The following CSNK1G1 variants were observed in gnomAD, a reference collection of about 807,000 sequenced individuals.
The protein encoded by CSNK1G1 is casein kinase I isoform gamma-1.
A neutral mutation model predicts 59.6 loss-of-function variants in CSNK1G1; 22 were observed. The observed-to-expected ratio is 0.37, with a 90% CI of 0.26 to 0.53. CSNK1G1 has a LOEUF of 0.53. Ranked by LOEUF, CSNK1G1 falls within the 20% of genes least tolerant of loss-of-function variation. CSNK1G1 has a pLI of 0.89. For synonymous variants in CSNK1G1, 179 were observed against 177.1 expected (o/e 1.01, Z -0.08); for missense variants, 384 against 519.5 (o/e 0.74, Z 2.54).
intron 1 of CSNK1G1, among the ~76,000 whole-genome samples, chr15:64,350,639 G>A (rs570862986): frequency 1.3e-5 from 2 of 152,256 alleles, no homozygotes; most frequent in East Asian, 1.9e-4. Flanking sequence ...AAAAATGCAA[G>A]ATCTTTGGTT....
chr15:64,353,445 C>G (rs1898431353), intron 1 of CSNK1G1, among the ~76,000 whole-genome samples: 1 of 151,480 alleles, frequency 6.6e-6, no homozygotes, highest in South Asian at 2.1e-4. Flanking sequence ...AGGAGATAGA[C>G]ACCATCCTGG....
At position 64,216,931 on chromosome 15, in the gene CSNK1G1, T is replaced by C. The variant is rs2082318802; in HGVS notation, c.293-218A>G. ...TAAGTCATTGCACAATACGTTCAAA[T>C]GAGTAGTTATTTAATACCACAGTGC... is the stretch of plus-strand genomic sequence containing the variant. On this transcript the variant is annotated intron_variant, in intron 4 of 11. Transcript: ENST00000303052. The surrounding 1 kb of genome is among the most constrained non-coding windows in gnomAD (Gnocchi z 4.6). 6.6e-6 allele frequency among the ~76,000 whole-genome samples: 1 copy of C among 152,200 alleles called. No individual in the cohort carries two copies. Among genetic ancestry groups the C allele is most frequent in the Admixed American group, 6.5e-5 (1 of 15,270 alleles).
In CSNK1G1 at chr15:64,188,429, A is replaced by G; in HGVS notation, c.1108-7975T>C. 2.0e-6 allele frequency: 3 copies of G among 1,536,146 alleles called. No homozygotes were observed. The highest frequency in any genetic ancestry group is 2.6e-6 in the Non-Finnish European group (3 of 1,146,918). On this transcript the variant is annotated intron_variant, in intron 10 of 11. Transcript: ENST00000303052. The surrounding 1 kb of genome is among the most constrained non-coding windows in gnomAD (Gnocchi z 4.2). ...CCAAGTGAGACGTTAGGTATGAGGT[A>G]TTGGTCTGCCGGCTGGGCTGAATTT...
intron 4 of CSNK1G1, among the ~76,000 whole-genome samples, chr15:64,236,615 G>A (rs1447577499): frequency 2.0e-5 from 3 of 152,094 alleles, no homozygotes; most frequent in East Asian, 1.9e-4. Context: ...CAGTCAGAAC[G>A]GCTACTATTA....
intron 1 of CSNK1G1, among the ~76,000 whole-genome samples, chr15:64,329,859 C>T (rs1324697343): frequency 1.7e-3 from 187 of 111,988 alleles, no homozygotes; most frequent in Non-Finnish European, 2.6e-3. Flanking sequence ...ACCGATCCCA[C>T]AGAAATACAA....
At chr15:64,239,004 A>C (rs565561485) in intron 4 of CSNK1G1, among the ~76,000 whole-genome samples, 1 of 152,304 alleles carries the variant, frequency 6.6e-6, no homozygotes, top group East Asian at 1.9e-4. Flanking sequence ...TCTATACCCT[A>C]GGCCACTAAG....
chr15:64,332,369 T>C (rs533792382), intron 1 of CSNK1G1, among the ~76,000 whole-genome samples: 202 of 141,112 alleles, frequency 1.4e-3, no homozygotes, highest in African/African-American at 5.0e-3. Flanking sequence ...TTCATGTCCT[T>C]TGTAGGGACA....
intron 1 of CSNK1G1, among the ~76,000 whole-genome samples, chr15:64,338,548 A>T (rs1897507577): frequency 6.6e-6 from 1 of 151,708 alleles, no homozygotes. Context: ...TAAAAATACA[A>T]AATTAGCTGG....
chr15:64,304,037 G>T (rs1331388370), intron 1 of CSNK1G1, among the ~76,000 whole-genome samples: 1 of 151,924 alleles, frequency 6.6e-6, no homozygotes, highest in Non-Finnish European at 1.5e-5. Context: ...GACACTAAAG[G>T]TGCTGTGTCA....
intron 4 of CSNK1G1, among the ~76,000 whole-genome samples, chr15:64,238,870 G>A (rs974505343): frequency 3.9e-5 from 6 of 151,900 alleles, no homozygotes; most frequent in East Asian, 3.9e-4. Context: ...CTAGTCTCAC[G>A]GCTGCTTGTA....
intron 2 of CSNK1G1, among the ~76,000 whole-genome samples, chr15:64,290,178 AT>A: frequency 6.6e-6 from 1 of 152,310 alleles, no homozygotes; most frequent in African/African-American, 2.4e-5. Context: ...TAAAACCACC[AT>A]TTGATCCTGC....
At chr15:64,187,795 C>A (rs1466813364) in intron 10 of CSNK1G1, among the ~76,000 whole-genome samples, 1 of 152,078 alleles carries the variant, frequency 6.6e-6, no homozygotes, top group Non-Finnish European at 1.5e-5. Context: ...TTAAGAGATA[C>A]CAGATGTTCT....
chr15:64,222,112 T>A (rs2140277112), intron 4 of CSNK1G1, among the ~76,000 whole-genome samples: 1 of 152,012 alleles, frequency 6.6e-6, no homozygotes, highest in South Asian at 2.1e-4. Context: ...AGGAACAAGA[T>A]CATGTCCTTT....
chr15:64,256,370 T>C (rs1019448562), intron 3 of CSNK1G1, among the ~76,000 whole-genome samples: 4 of 152,220 alleles, frequency 2.6e-5, no homozygotes, highest in African/African-American at 9.6e-5. Context: ...GTAGCCAAGC[T>C]AGTAAATTAA....
rs970713915 is a variant in CSNK1G1, at chr15:64,166,525, T to C, written c.*5406A>G. Reference sequence around the variant, plus strand: ...GGTCTTTATGGAAGTGAAATGCACATAGATGAACACACGCACTCACGTGCG... The same window carrying C: ...GGTCTTTATGGAAGTGAAATGCACACAGATGAACACACGCACTCACGTGCG... On this transcript the variant is annotated 3_prime_UTR_variant, in exon 12 of 12. Coordinates refer to ENST00000303052, the MANE Select transcript of CSNK1G1 (RefSeq NM_022048.5). The surrounding 1 kb of genome is among the most constrained non-coding windows in gnomAD (Gnocchi z 4.5). 1 of 153,000 alleles carries C rather than the reference T, an allele frequency of 6.5e-6. No homozygotes were observed. The highest frequency in any genetic ancestry group is 2.4e-5 in the African/African-American group (1 of 41,456). 9.5% of individuals were successfully genotyped at this position (153,000 alleles called of 1,614,324 possible).
intron 4 of CSNK1G1, among the ~76,000 whole-genome samples, chr15:64,245,540 T>C (rs144487429): frequency 1.1e-3 from 167 of 152,132 alleles, no homozygotes; most frequent in Admixed American, 3.4e-3. Context: ...ATAGCAAAGA[T>C]ATGCAATTAA....
intron 10 of CSNK1G1, chr15:64,181,515 T>C (rs1471703396): frequency 2.4e-6 from 3 of 1,263,746 alleles, no homozygotes; most frequent in Non-Finnish European, 3.2e-6. Flanking sequence ...TATTTGAGAT[T>C]GTTTCTTATA....
intron 4 of CSNK1G1, among the ~76,000 whole-genome samples, chr15:64,225,034 A>C (rs1324758080): frequency 2.9e-5 from 4 of 139,448 alleles, no homozygotes; most frequent in African/African-American, 1.1e-4. Flanking sequence ...TTGGAGACAG[A>C]GTCTTGCTCT....
chr15:64,329,250 C>T (rs1033441643), intron 1 of CSNK1G1, among the ~76,000 whole-genome samples: 2 of 151,794 alleles, frequency 1.3e-5, no homozygotes, highest in Non-Finnish European at 2.9e-5. Flanking sequence ...CACACCTATT[C>T]CAAAATTGAC....
Sources: gnomAD v4.1 joint callset for allele counts (sites outside exome capture counted in the v4.1 genomes callset) on GRCh38, gnomAD v4.1.1 for gene constraint, Gnocchi (gnomAD v3.1) non-coding constraint, MANE v1.5 for transcripts, NCBI Gene and HGNC (gene_info 2026-07-23, HGNC 2026-07-21) for gene names.